The following ATL2 variants were observed in gnomAD, a reference collection of about 807,000 sequenced individuals.
ATL2 encodes atlastin GTPase 2.
Under a neutral mutation model 73.9 loss-of-function variants are expected in ATL2, and 31 were observed. That is an observed-to-expected ratio of 0.42 (90% CI 0.32 to 0.57). ATL2 has a LOEUF of 0.57. ATL2 is among the 20% of genes least tolerant of loss of function. The pLI is 0.14. For missense variants in ATL2, 738 were observed against 702.6 expected (o/e 1.05, Z -0.57); for synonymous variants, 291 against 237.5 (o/e 1.23, Z -2.07).
chr2:38,335,700 C>T (rs959149862), intron 2 of ATL2, among the ~76,000 whole-genome samples: 7 of 152,064 alleles, frequency 4.6e-5, no homozygotes, highest in African/African-American at 1.7e-4. Flanking sequence ...AATGCACTGG[C>T]TATATTAAGG....
At chr2:38,299,753 C>A (rs1432432645) in intron 10 of ATL2, among the ~76,000 whole-genome samples, 1 of 152,050 alleles carries the variant, frequency 6.6e-6, no homozygotes, top group African/African-American at 2.4e-5. Flanking sequence ...ACTGTTTAAT[C>A]TACTATAAAA....
At chr2:38,325,320 C>A (rs754178465) in intron 2 of ATL2, among the ~76,000 whole-genome samples, 1 of 152,114 alleles carries the variant, frequency 6.6e-6, no homozygotes, top group Non-Finnish European at 1.5e-5. Context: ...AAGAGACAAA[C>A]TAACACAAAG....
At position 38,312,670 on chromosome 2, in the gene ATL2, T is replaced by C. The variant is rs373249078; in HGVS notation, c.804+481A>G. 4.6e-4 allele frequency among the ~76,000 whole-genome samples: 69 copies of C among 148,836 alleles called. 2 individuals are homozygous for C. The South Asian group carries it at 7.2e-3, about 16-fold the overall frequency. The stretch of plus-strand genomic sequence containing the variant: ...GTTGCAGTGAGCCAAGATCGTGCCA[T>C]TGCACTCCAGCCCAGGCAATAGTGT... On this transcript the variant is annotated intron_variant, in intron 7 of 12. Coordinates refer to ENST00000378954, the MANE Select transcript of ATL2 (RefSeq NM_001135673.4).
intron 9 of ATL2, among the ~76,000 whole-genome samples, chr2:38,305,576 A>C (rs1381552457): frequency 9.2e-5 from 14 of 152,132 alleles, no homozygotes; most frequent in Admixed American, 9.2e-4. Context: ...AATTGAAATT[A>C]TATCAAGTAT....
intron 9 of ATL2, among the ~76,000 whole-genome samples, chr2:38,301,198 G>C (rs1055864423): frequency 6.6e-6 from 1 of 152,108 alleles, no homozygotes; most frequent in Admixed American, 6.5e-5. Flanking sequence ...TCGAACTCCC[G>C]ACCTCAGGTG....
At chr2:38,372,922 C>G (rs997891067) in intron 1 of ATL2, among the ~76,000 whole-genome samples, 2 of 152,044 alleles carry the variant, frequency 1.3e-5, no homozygotes, top group Non-Finnish European at 2.9e-5. Flanking sequence ...AAATCTCTGT[C>G]CACAGGAAAA....
At chr2:38,305,762 T>C (rs1307252951) in intron 9 of ATL2, among the ~76,000 whole-genome samples, 1 of 150,330 alleles carries the variant, frequency 6.7e-6, no homozygotes, top group African/African-American at 2.5e-5. Context: ...ACATACCAAA[T>C]ATATGGGATA....
intron 2 of ATL2, among the ~76,000 whole-genome samples, chr2:38,337,486 C>CCAA (rs1669432768): frequency 4.6e-5 from 1 of 21,638 alleles, no homozygotes; most frequent in Non-Finnish European, 8.6e-5. Context: ...ACTCTGTCTC[C>CCAA]AAAAAAAAAA....
chr2:38,348,453 C>G (rs991296616), intron 1 of ATL2, among the ~76,000 whole-genome samples: 22 of 146,954 alleles, frequency 1.5e-4, no homozygotes, highest in African/African-American at 5.8e-4. Flanking sequence ...GCAACAAGAG[C>G]GAAACTCCAT....
intron 10 of ATL2, 130 bp from the exon 11 acceptor site, chr2:38,299,457 T>C (rs1418611406): frequency 6.3e-6 from 6 of 945,014 alleles, no homozygotes; most frequent in Non-Finnish European, 7.3e-6. Context: ...CCAGTTTTTC[T>C]TTCCTATGCA....
chr2:38,320,757 G>A (rs1668275836), intron 2 of ATL2, among the ~76,000 whole-genome samples: 1 of 152,128 alleles, frequency 6.6e-6, no homozygotes, highest in Non-Finnish European at 1.5e-5. Flanking sequence ...TACAAAGCGT[G>A]AATTAGGAGT....
intron 2 of ATL2, among the ~76,000 whole-genome samples, chr2:38,329,904 A>C (rs1668883478): frequency 6.6e-6 from 1 of 152,076 alleles, no homozygotes; most frequent in African/African-American, 2.4e-5. Flanking sequence ...CAAGTCGGGC[A>C]GAATACCTGA....
intron 2 of ATL2, among the ~76,000 whole-genome samples, chr2:38,333,200 G>A (rs1482640058): frequency 2.6e-5 from 4 of 152,056 alleles, no homozygotes; most frequent in Non-Finnish European, 1.5e-5. Flanking sequence ...CTTCAGGGTC[G>A]ATCACCTGAG....
chr2:38,307,352 C>T (rs866714885), intron 9 of ATL2, among the ~76,000 whole-genome samples: 1 of 145,140 alleles, frequency 6.9e-6, no homozygotes, highest in South Asian at 2.1e-4. Flanking sequence ...CCAGTGTTTT[C>T]TTTTCTTTTT....
At chr2:38,333,225 G>C (rs933236197) in intron 2 of ATL2, among the ~76,000 whole-genome samples, 5 of 151,952 alleles carry the variant, frequency 3.3e-5, no homozygotes, top group African/African-American at 1.2e-4. Context: ...GGAGTTTGAG[G>C]CTTCAGTGAG....
chr2:38,352,133 CAA>C (rs778821586), intron 1 of ATL2, among the ~76,000 whole-genome samples: 4 of 31,964 alleles, frequency 1.3e-4, no homozygotes, highest in Admixed American at 3.8e-4. Context: ...AAACAACAAC[CAA>C]AAAAAAAAAA....
chr2:38,342,102 G>A (rs930511538), intron 2 of ATL2, among the ~76,000 whole-genome samples: 2 of 151,550 alleles, frequency 1.3e-5, no homozygotes, highest in South Asian at 2.1e-4. Flanking sequence ...ATTCCAACTC[G>A]AGTGAAAAAA....
At position 38,309,510 on chromosome 2, in the gene ATL2, G is replaced by T; in HGVS notation, c.944-4C>A. On this transcript the variant is annotated splice_polypyrimidine_tract_variant and splice_region_variant and intron_variant, in intron 8 of 12. Coordinates refer to ENST00000378954, the MANE Select transcript of ATL2 (RefSeq NM_001135673.4). ...CGTTTAAAGTCTTCATCAATATCTA[G>T]AAAACAAAAAATTGAGCAACATATT... 6.2e-7 allele frequency: 1 copy of T among 1,604,388 alleles called. No homozygotes were observed.
chr2:38,316,276 G>C (rs1483520749), intron 4 of ATL2, among the ~76,000 whole-genome samples: 1 of 152,172 alleles, frequency 6.6e-6, no homozygotes, highest in Non-Finnish European at 1.5e-5. Context: ...AAAAGTAATT[G>C]ATGACTGAGG....
Sources: allele counts gnomAD v4.1 joint callset (sites outside exome capture counted in the v4.1 genomes callset), GRCh38; gene constraint gnomAD v4.1.1; transcripts MANE v1.5; gene names NCBI Gene and HGNC (gene_info 2026-07-23, HGNC 2026-07-21).